Variants in OXLD1 observed in about 807,000 individuals in gnomAD.
OXLD1 encodes oxidoreductase-like domain-containing protein 1.
OXLD1 carries 4 observed loss-of-function variants against 3.1 expected under a neutral mutation model. The observed-to-expected ratio is 1.28, with a 90% CI of 0.63 to 2.92. OXLD1 has a LOEUF of 2.92. OXLD1 is among the 30% of genes most tolerant of loss of function. OXLD1 has a pLI of 0.01. For missense variants in OXLD1, 240 were observed against 204.6 expected, an observed-to-expected ratio of 1.17 and a Z score of -1.05; for synonymous variants, 100 against 87.0, an observed-to-expected ratio of 1.15 and a Z score of -0.83.
chr17:81,665,158 G>A lies in OXLD1; in HGVS notation c.*43C>T, dbSNP rs371162588. 9.6e-6 allele frequency: 15 copies of A among 1,558,628 alleles called. No individual in the cohort carries two copies. In the African/African-American group the frequency reaches 1.5e-4, roughly 15 times the overall value. On this transcript the variant is annotated 3_prime_UTR_variant, in exon 2 of 2. Coordinates refer to ENST00000374741, the MANE Select transcript of OXLD1 (RefSeq NM_001039842.3). Reference sequence around the variant, plus strand: ...TGTGAAGGAAGGAGGCTGCGGCTGCGTCCTGGACTCCGTCCTGCGGTAGGG... The same window carrying A: ...TGTGAAGGAAGGAGGCTGCGGCTGCATCCTGGACTCCGTCCTGCGGTAGGG...
chr17:81,665,598 C>T lies in OXLD1; in HGVS notation c.61-14G>A. On this transcript the variant is annotated splice_polypyrimidine_tract_variant and intron_variant, in intron 1 of 1. Transcript: ENST00000374741. Reference sequence around the variant, plus strand: ...CCGGCGAGCCCCCTGAGGATGCAGACAAACATGTGACTCTCCAGGAAGCTG... The same window carrying T: ...CCGGCGAGCCCCCTGAGGATGCAGATAAACATGTGACTCTCCAGGAAGCTG... The T allele has an allele frequency of 4.5e-6, 7 of 1,564,610 alleles. No individual in the cohort carries two copies. Among genetic ancestry groups the T allele is most frequent in the Non-Finnish European group, 6.1e-6 (7 of 1,153,160 alleles).
chr17:81,665,351 G>A lies in OXLD1; in HGVS notation c.294C>T (p.Cys98=), dbSNP rs749073451. 28 of 1,613,458 alleles carry A rather than the reference G, an allele frequency of 1.7e-5. No individual in the cohort carries two copies. Among genetic ancestry groups the A allele is most frequent in the East Asian group, 2.2e-5 (1 of 44,886 alleles). ...GCCTGTCCGCGTACTCCACCCACAC[G>A]CAGTTGGGGCAGCCACTCATGCAGC... ...TNCCMSGCPN[C]VWVEYADRLL... The change falls in exon 2 of 2, where the codon TGC becomes TGT. Residue 98 remains cysteine, a synonymous_variant. Transcript: ENST00000374741.
chr17:81,666,526 G>T lies in OXLD1; in HGVS notation c.52C>A (p.Arg18Ser). Residue 18 changes from arginine (R) to serine (S), a missense_variant, in exon 1 of 2, where the codon CGT (arginine) becomes AGT (serine). By Grantham distance (110) the Arg-to-Ser change is moderately radical (BLOSUM62 -1). Coordinates refer to ENST00000374741, the MANE Select transcript of OXLD1 (RefSeq NM_001039842.3). ...CCCGTCCTGGTACTTGCCGAGCCAC[G>T]GACCGCGGCGGCTACCGCCCGGCCT... ...EGGRAVAAAV[R>S]GSGARRFSSP... 6.6e-7 allele frequency: 1 copy of T among 1,522,362 alleles called. No individual in the cohort carries two copies. The highest frequency in any genetic ancestry group is 8.7e-7 in the Non-Finnish European group (1 of 1,144,206). 94.3% of individuals were successfully genotyped at this position (1,522,362 alleles called of 1,614,324 possible).
At position 81,665,128 on chromosome 17, in the gene OXLD1, G is replaced by A. The variant is rs1185663275; in HGVS notation, c.*73C>T. 1 of 1,490,816 alleles carries A rather than the reference G, an allele frequency of 6.7e-7. No individual in the cohort carries two copies. The highest frequency in any genetic ancestry group is 1.3e-5 in the South Asian group (1 of 75,998). 92.3% of individuals were successfully genotyped at this position (1,490,816 alleles called of 1,614,324 possible). On this transcript the variant is annotated 3_prime_UTR_variant, in exon 2 of 2. Coordinates refer to ENST00000374741, the MANE Select transcript of OXLD1 (RefSeq NM_001039842.3). ...CCCGTTGGACACAAGGAGTCTGTGA[G>A]GGGGTGTGAAGGAAGGAGGCTGCGG...
In OXLD1 at chr17:81,665,210, G is replaced by A. The variant is rs1302311121; in HGVS notation, c.435C>T (p.Cys145=). The change falls in exon 2 of 2, where the codon TGC becomes TGT. Residue 145 remains cysteine (C), a synonymous_variant. Coordinates refer to ENST00000374741, the MANE Select transcript of OXLD1 (RefSeq NM_001039842.3). ...GTCCAGCAGGGATGGCTCAGCCTCC[G>A]CACCTGGTGTGCAGCCGGATCTCCA... ...LRMEIRLHTR[C]GG 1 of 1,609,196 alleles carries A rather than the reference G, an allele frequency of 6.2e-7. No homozygotes were observed. The highest frequency in any genetic ancestry group is 1.1e-5 in the South Asian group (1 of 90,684).
chr17:81,666,440 C>T (rs751354504), intron 1 of OXLD1, 78 bp downstream of exon 1: 94 of 1,494,704 alleles, frequency 6.3e-5, no homozygotes, highest in Middle Eastern at 3.9e-4. Context: ...CGGGGCTCCT[C>T]CCGGTACGTG....
chr17:81,666,077 A>C (rs904875381), intron 1 of OXLD1: 4 of 417,406 alleles, frequency 9.6e-6, no homozygotes, highest in African/African-American at 8.2e-5. Context: ...TCCCAGCGTG[A>C]ATGTCCTATA....
In OXLD1 at chr17:81,665,056, G is replaced by T. The variant is rs1396968644; in HGVS notation, c.*145C>A. The T allele has an allele frequency of 5.2e-6, 6 of 1,147,382 alleles. 1 individual carries two copies. In the South Asian group the frequency reaches 6.8e-5, roughly 13 times the overall value. 71.1% of individuals were successfully genotyped at this position (1,147,382 alleles called of 1,614,324 possible). ...AAACCTCCTGTGAAACCACCATAGAGAATTTATTTTTTTCTCAGGTGAAGT... is the reference window on the plus strand; with the variant it reads ...AAACCTCCTGTGAAACCACCATAGATAATTTATTTTTTTCTCAGGTGAAGT... On this transcript the variant is annotated 3_prime_UTR_variant, in exon 2 of 2. Coordinates refer to ENST00000374741, the MANE Select transcript of OXLD1 (RefSeq NM_001039842.3).
rs1232546899 is a variant in OXLD1, at chr17:81,665,486, C to A, written c.159G>T (p.Gly53=). 1.4e-5 allele frequency: 22 copies of A among 1,613,286 alleles called. No individual in the cohort carries two copies. The highest frequency in any genetic ancestry group is 1.9e-5 in the Non-Finnish European group (22 of 1,180,008). ...CGTGGTCTGTCCCGAATTTTCTGCG[C>A]CCATCAGGGGCTTGCGCTCCGGGAT... ...RHHPGAQAPD[G]RRKFGTDHVE... is the part of the protein sequence containing the mutation. Residue 53 remains glycine (G), a synonymous_variant, in exon 2 of 2, where the codon GGG becomes GGT. Coordinates refer to ENST00000374741, the MANE Select transcript of OXLD1 (RefSeq NM_001039842.3).
rs1237828526 is a variant in OXLD1, at chr17:81,665,431, C to T, written c.214G>A (p.Gly72Ser). Reference sequence around the variant, plus strand: ...AGCGATGCCTTGGGCGGCCTGGTGCCGTCCGCACCTGCTTGGGAGCCCACC... The same window carrying T: ...AGCGATGCCTTGGGCGGCCTGGTGCTGTCCGCACCTGCTTGGGAGCCCACC... ...VEVGSQAGAD[G>S]TRPPKASLPP... The change falls in exon 2 of 2, where the codon GGC (glycine) becomes AGC (serine). Residue 72 changes from glycine to serine, a missense_variant. Gly to Ser is a moderately conservative substitution (Grantham distance 56). Coordinates refer to ENST00000374741, the MANE Select transcript of OXLD1 (RefSeq NM_001039842.3). 3 of 1,613,386 alleles carry T rather than the reference C, an allele frequency of 1.9e-6. No individual in the cohort carries two copies. The highest frequency in any genetic ancestry group is 2.5e-6 in the Non-Finnish European group (3 of 1,180,034).
At position 81,665,253 on chromosome 17, in the gene OXLD1, AG is replaced by A; in HGVS notation, c.391del (p.Leu131SerfsTer52). The A allele has an allele frequency of 3.1e-6, 5 of 1,613,364 alleles. No homozygotes were observed. Among genetic ancestry groups the A allele is most frequent in the Non-Finnish European group, 4.2e-6 (5 of 1,179,956 alleles). On this transcript the variant is annotated frameshift_variant, in exon 2 of 2. Transcript: ENST00000374741. LOFTEE classifies it high-confidence loss of function. ...GATCTCCATCCTGAGGAAGGCCTTGAGGTTCTCATCAGCCACGTGCTCCTCC... is the reference window on the plus strand; with the variant it reads ...GATCTCCATCCTGAGGAAGGCCTTGAGTTCTCATCAGCCACGTGCTCCTCC... ...ALEEHVADEN[L>X]KAFLRMEIRL...
Position 81,665,348 on chromosome 17 carries a change from C to G in OXLD1, c.297G>C (p.Val99=). 1.2e-6 allele frequency: 2 copies of G among 1,613,540 alleles called. No homozygotes were observed. The highest frequency in any genetic ancestry group is 1.7e-6 in the Non-Finnish European group (2 of 1,180,038). ...NCCMSGCPNC[V]WVEYADRLLQ... ...GCAGCCTGTCCGCGTACTCCACCCA[C>G]ACGCAGTTGGGGCAGCCACTCATGC... Residue 99 remains valine, a synonymous_variant, in exon 2 of 2, where the codon GTG becomes GTC. Coordinates refer to ENST00000374741, the MANE Select transcript of OXLD1 (RefSeq NM_001039842.3).
chr17:81,665,077 G>A lies in OXLD1; in HGVS notation c.*124C>T, dbSNP rs1046755720. ...TAGAGAATTTATTTTTTTCTCAGGT[G>A]AAGTCAGTAACTAATTCTTCCTATT... On this transcript the variant is annotated 3_prime_UTR_variant, in exon 2 of 2. Coordinates refer to ENST00000374741, the MANE Select transcript of OXLD1 (RefSeq NM_001039842.3). The A allele has an allele frequency of 4.0e-6, 5 of 1,256,874 alleles. No homozygotes were observed. The highest frequency in any genetic ancestry group is 3.0e-5 in the African/African-American group (2 of 66,220). The allele number at this position is 1,256,874 out of a possible 1,614,324, so 77.9% of individuals were successfully genotyped here.
At position 81,665,164 on chromosome 17, in the gene OXLD1, G is replaced by T; in HGVS notation, c.*37C>A. On this transcript the variant is annotated 3_prime_UTR_variant, in exon 2 of 2. Transcript: ENST00000374741. ...GGAAGGAGGCTGCGGCTGCGTCCTG[G>T]ACTCCGTCCTGCGGTAGGGAGTCCA... 1 of 1,565,440 alleles carries T rather than the reference G, an allele frequency of 6.4e-7. No individual in the cohort carries two copies. Among genetic ancestry groups the T allele is most frequent in the South Asian group, 1.2e-5 (1 of 84,204 alleles).
chr17:81,665,644 A>T (rs934126826), intron 1 of OXLD1, 60 bp from the exon 2 acceptor site: 4 of 1,505,516 alleles, frequency 2.7e-6, no homozygotes, highest in Non-Finnish European at 2.7e-6. Context: ...GTCTACCCCC[A>T]GCAGTGAGGA....
At chr17:81,665,853 G>C (rs909772707) in intron 1 of OXLD1, 3 of 492,102 alleles carry the variant, frequency 6.1e-6, no homozygotes, top group African/African-American at 2.0e-5. Flanking sequence ...AGCACATGGT[G>C]GGGGGTGGGG....
chr17:81,666,565 T>C lies in OXLD1; in HGVS notation c.13A>G (p.Arg5Gly). The C allele has an allele frequency of 3.4e-6, 5 of 1,489,368 alleles. No individual in the cohort carries two copies. Among genetic ancestry groups the C allele is most frequent in the Middle Eastern group, 2.2e-4 (1 of 4,522 alleles). The allele number at this position is 1,489,368 out of a possible 1,614,324, so 92.3% of individuals were successfully genotyped here. The change falls in exon 1 of 2, where the codon AGG becomes GGG. Residue 5 changes from arginine (R) to glycine (G), a missense_variant. Coordinates refer to ENST00000374741, the MANE Select transcript of OXLD1 (RefSeq NM_001039842.3). MLLR[R>G]VVEGGRAVAA... The stretch of plus-strand genomic sequence containing the variant: ...ACCGCCCGGCCTCCCTCGACCACCC[T>C]CCGCAGCAGCATCGCCCGCGGACGG...
chr17:81,666,395 C>T, intron 1 of OXLD1, 123 bp downstream of exon 1: 1 of 1,219,744 alleles, frequency 8.2e-7, no homozygotes, highest in Non-Finnish European at 1.1e-6. Context: ...GCGCGCGATC[C>T]TCCCGGCTCC....
Position 81,665,254 on chromosome 17 carries a change from G to C in OXLD1, c.391C>G (p.Leu131Val). The stretch of plus-strand genomic sequence containing the variant: ...ATCTCCATCCTGAGGAAGGCCTTGA[G>C]GTTCTCATCAGCCACGTGCTCCTCC... ...ALEEHVADEN[L>V]KAFLRMEIRL... Residue 131 changes from leucine to valine, a missense_variant, in exon 2 of 2, where the codon CTC becomes GTC. Coordinates refer to ENST00000374741, the MANE Select transcript of OXLD1 (RefSeq NM_001039842.3). 6.2e-7 allele frequency: 1 copy of C among 1,613,524 alleles called. No individual in the cohort carries two copies.
Sources: gnomAD v4.1 joint callset for allele counts on GRCh38, gnomAD v4.1.1 for gene constraint, MANE v1.5 for transcripts, NCBI Gene and HGNC (gene_info 2026-07-23, HGNC 2026-07-21) for gene names.